TPRA1: variants seen among roughly 807,000 people sequenced by gnomAD.
TPRA1 encodes the protein transmembrane protein adipocyte associated 1.
In TPRA1, 28 loss-of-function variants were observed where a neutral mutation model predicts 40.1. The ratio of observed to expected loss-of-function variants is 0.70; its 90% CI spans 0.52 to 0.96. The LOEUF (loss-of-function observed/expected upper bound fraction) is 0.96, where lower values mean the gene tolerates loss of function less well. TPRA1 is among the 40% of genes least tolerant of loss of function. The probability of loss-of-function intolerance (pLI) is 0.00; values close to 1 mark genes in which losing one functional copy is unlikely to be tolerated. For missense variants in TPRA1, 441 were observed against 482.6 expected, an observed-to-expected ratio of 0.91 and a Z score of 0.81; for synonymous variants, 219 against 209.7, an observed-to-expected ratio of 1.04 and a Z score of -0.38.
At chr3:127,587,090 C>T (rs1014364634) in intron 1 of TPRA1, 6 of 152,212 alleles carry the variant, frequency 3.9e-5, no homozygotes, top group Admixed American at 6.5e-5. Context: ...CAGGATGTTC[C>T]ATCACCCTGG....
chr3:127,574,719 CAT>C (rs1372312457), intron 10 of TPRA1, among the ~76,000 whole-genome samples: 1 of 152,248 alleles, frequency 6.6e-6, no homozygotes, highest in African/African-American at 2.4e-5. Flanking sequence ...GAACACCGTG[CAT>C]AGTCACTCTC....
At chr3:127,579,926 T>A in intron 2 of TPRA1, 54 bp from the exon 3 acceptor site, 1 of 1,608,570 alleles carries the variant, frequency 6.2e-7, no homozygotes, top group African/African-American at 1.3e-5. Context: ...ATGCACCCCC[T>A]CTCCAAGACA....
chr3:127,594,195 A>G (rs2074220757), upstream of TPRA1, among the ~76,000 whole-genome samples: 1 of 152,260 alleles, frequency 6.6e-6, no homozygotes, highest in African/African-American at 2.4e-5. Flanking sequence ...ATCCCCCTGC[A>G]CACTCCATCA....
At chr3:127,591,432 C>T (rs2074167934), upstream of TPRA1, among the ~76,000 whole-genome samples, 1 of 152,234 alleles carries the variant, frequency 6.6e-6, no homozygotes, top group Non-Finnish European at 1.5e-5. Flanking sequence ...CCAACTCTAA[C>T]TTCCACAGTT....
chr3:127,575,892 C>T (rs1395030785), intron 7 of TPRA1, 48 bp downstream of exon 7: 14 of 1,611,218 alleles, frequency 8.7e-6, no homozygotes, highest in Non-Finnish European at 1.2e-5. Context: ...CAATCCCTAC[C>T]TGGCCCTAAG....
intron 1 of TPRA1, among the ~76,000 whole-genome samples, chr3:127,585,244 T>C (rs1163914588): frequency 6.6e-6 from 1 of 152,114 alleles, no homozygotes; most frequent in African/African-American, 2.4e-5. Flanking sequence ...ATAAAGAACA[T>C]TCCAGGGAGA....
In TPRA1 at chr3:127,573,432, C is replaced by T. The variant is rs113173548; in HGVS notation, c.*89G>A. ...CCACACAGGGCTACTGCCCACAGAA[C>T]GTCCCTTGACCTGGTCCTCCTCCCC... On this transcript the variant is annotated 3_prime_UTR_variant, in exon 11 of 11. Transcript: ENST00000355552. 8.1e-6 allele frequency: 12 copies of T among 1,478,822 alleles called. No homozygotes were observed. The highest frequency in any genetic ancestry group is 2.6e-5 in the South Asian group (2 of 75,990). The allele number at this position is 1,478,822 out of a possible 1,614,324, so 91.6% of individuals were successfully genotyped here. A position where few individuals can be genotyped will look rare whatever the true frequency, so the allele number is the denominator to read the frequency against.
At chr3:127,589,860 G>A (rs562783303) in intron 1 of TPRA1, among the ~76,000 whole-genome samples, 2 of 152,312 alleles carry the variant, frequency 1.3e-5, no homozygotes, top group South Asian at 4.1e-4. Flanking sequence ...CTCCAGCACC[G>A]CCAAGCCCCG....
intron 1 of TPRA1, among the ~76,000 whole-genome samples, chr3:127,596,891 C>T (rs750688147): frequency 3.3e-5 from 5 of 152,104 alleles, no homozygotes; most frequent in Non-Finnish European, 7.4e-5. Context: ...CCAAGGCAGG[C>T]GGATCCACTT....
chr3:127,584,045 G>A lies in TPRA1; in HGVS notation c.-17-3882C>T, dbSNP rs745367570. On this transcript the variant is annotated intron_variant, in intron 1 of 10. Coordinates refer to ENST00000355552, the MANE Select transcript of TPRA1 (RefSeq NM_001136053.4). ...CAGGCACAAGTCTAGGTGGTTGGAC[G>A]TGGCACGGAACAGAGCAGACAAGGC... 3.9e-5 allele frequency among the ~76,000 whole-genome samples: 6 copies of A among 151,934 alleles called. No homozygotes were observed. The South Asian group carries it at 6.2e-4, about 16-fold the overall frequency.
intron 10 of TPRA1, 137 bp downstream of exon 10, chr3:127,575,048 A>C (rs1410098433): frequency 2.7e-5 from 24 of 895,462 alleles, no homozygotes; most frequent in Non-Finnish European, 3.8e-5. Flanking sequence ...GTGTGTGCCC[A>C]AGTGCATGTA....
chr3:127,574,449 C>T (rs935953655), intron 10 of TPRA1, among the ~76,000 whole-genome samples: 1 of 152,202 alleles, frequency 6.6e-6, no homozygotes, highest in Non-Finnish European at 1.5e-5. Flanking sequence ...CTTCAGCATC[C>T]CATCTCACAG....
At chr3:127,577,136 C>A in intron 3 of TPRA1, 60 bp from the exon 4 acceptor site, 1 of 1,555,690 alleles carries the variant, frequency 6.4e-7, no homozygotes, top group South Asian at 1.1e-5. Flanking sequence ...TCGGCAGGGG[C>A]AGCAAGCCCA....
chr3:127,598,116 T>C, exon 1 of TPRA1: 1 of 396,374 alleles, frequency 2.5e-6, no homozygotes, highest in South Asian at 2.1e-5. Flanking sequence ...TCTGTTGTCT[T>C]GTCAGCAAAA....
chr3:127,586,757 C>G (rs779409996), intron 1 of TPRA1, among the ~76,000 whole-genome samples: 5 of 152,316 alleles, frequency 3.3e-5, no homozygotes, highest in Middle Eastern at 3.4e-3. Context: ...CACGCAGCCC[C>G]AAGACGGGCA....
chr3:127,581,127 CAGGGAGTTCGGG>C, intron 1 of TPRA1, among the ~76,000 whole-genome samples: 1 of 152,314 alleles, frequency 6.6e-6, no homozygotes, highest in Middle Eastern at 3.4e-3. Context: ...GGTACTTCCG[CAGGGAGTTCGGG>C]GTGATCCAGG....
chr3:127,575,288 C>A, intron 9 of TPRA1, 23 bp from the exon 10 acceptor site: 1 of 1,610,456 alleles, frequency 6.2e-7, no homozygotes. Context: ...CGGGTCAGCG[C>A]GGGGCCTCCT....
rs369669960 is a variant in TPRA1 at position 127,573,616 on chromosome 3, C to T, written c.1027G>A (p.Gly343Arg). 11 of 1,613,160 alleles carry T rather than the reference C, an allele frequency of 6.8e-6. No homozygotes were observed. Among genetic ancestry groups the T allele is most frequent in the East Asian group, 4.5e-5 (2 of 44,892 alleles). The stretch of plus-strand genomic sequence containing the variant: ...GCGATGTCATCCAGGTAGGCCACCC[C>T]GCCGGCAGAGTCGAACTGCGTGCTC... ...YSSTQFDSAGGVAYLDDIASM... is the reference protein window; with the variant it reads ...YSSTQFDSAGRVAYLDDIASM... The change falls in exon 11 of 11, where the codon GGG becomes AGG. Residue 343 changes from glycine to arginine, a missense_variant. Physicochemically the swap from Gly to Arg is moderately radical, Grantham distance 125. Transcript: ENST00000355552.
rs761708691 is a variant in TPRA1, at chr3:127,573,719, TA to T, written c.923del (p.Leu308HisfsTer200). 1.7e-5 allele frequency: 27 copies of T among 1,611,464 alleles called. No individual in the cohort carries two copies. The East Asian group carries it at 6.0e-4, about 36-fold the overall frequency. On this transcript the variant is annotated frameshift_variant, in exon 11 of 11. Transcript: ENST00000355552. LOFTEE classifies it high-confidence loss of function. Reference sequence around the variant, plus strand: ...GCCGGGCCACAGCGTAGGGCTGGGGTAGGTGTACATCTGGCTCCTCTGTCTC... The same window carrying T: ...GCCGGGCCACAGCGTAGGGCTGGGGTGGTGTACATCTGGCTCCTCTGTCTC... ...VDETEEPDVH[L>X]PQPYAVARRE...
Sources: allele counts gnomAD v4.1 joint callset (sites outside exome capture counted in the v4.1 genomes callset), GRCh38; gene constraint gnomAD v4.1.1; transcripts MANE v1.5; gene names NCBI Gene and HGNC (gene_info 2026-07-23, HGNC 2026-07-21).